DUSP15: variants seen among roughly 807,000 people sequenced by gnomAD.
DUSP15 encodes the protein dual specificity protein phosphatase 15.
Under a neutral mutation model 26.3 loss-of-function variants are expected in DUSP15, and 23 were observed. That is an observed-to-expected ratio of 0.87 (90% CI 0.63 to 1.24). The LOEUF (loss-of-function observed/expected upper bound fraction) is 1.24, where lower values mean the gene tolerates loss of function less well. Among genes scored for constraint, DUSP15 ranks in the 50% most tolerant of loss-of-function variants. DUSP15 has a pLI of 0.00. For missense variants in DUSP15, 364 were observed against 320.6 expected (o/e 1.14, Z -1.03); for synonymous variants, 143 against 135.5 (o/e 1.06, Z -0.39).
At chr20:31,858,575 A>G (rs918488463), downstream of DUSP15, among the ~76,000 whole-genome samples, 1 of 152,206 alleles carries the variant, frequency 6.6e-6, no homozygotes, top group Non-Finnish European at 1.5e-5. The surrounding 1 kb of genome is among the most constrained non-coding windows in gnomAD (Gnocchi z 4.4). Context: ...ATGGGGTGGC[A>G]GGAGGCGCTG....
chr20:31,855,905 A>G (rs1006476386), intron 6 of DUSP15, among the ~76,000 whole-genome samples: 4 of 152,210 alleles, frequency 2.6e-5, no homozygotes, highest in Non-Finnish European at 5.9e-5. Flanking sequence ...GCATTAAATA[A>G]ATGAATGCAT....
chr20:31,853,716 C>A (rs1017820925), intron 6 of DUSP15, among the ~76,000 whole-genome samples: 3 of 151,610 alleles, frequency 2.0e-5, no homozygotes, highest in African/African-American at 4.8e-5. Flanking sequence ...ATCCTCCCAC[C>A]TCATCCAAGT....
Position 31,862,833 on chromosome 20 carries a change from TTGCCTCCTGA to T in DUSP15, c.264-101_264-92del. 3 of 1,339,302 alleles carry T rather than the reference TTGCCTCCTGA, an allele frequency of 2.2e-6. No homozygotes were observed. The African/African-American group carries it at 4.4e-5, about 20-fold the overall frequency. 83.0% of individuals were successfully genotyped at this position (1,339,302 alleles called of 1,614,324 possible). On this transcript the variant is annotated intron_variant, in intron 5 of 6. Transcript: ENST00000339738. ...CCACCCTGCTTCAACTCCCCCACCC[TTGCCTCCTGA>T]GCTCCAACCATAAGGGACCTGTCAG...
chr20:31,855,226 C>G (rs879676139), intron 6 of DUSP15, among the ~76,000 whole-genome samples: 3 of 152,092 alleles, frequency 2.0e-5, no homozygotes, highest in Non-Finnish European at 2.9e-5. Flanking sequence ...AATAAGAAGG[C>G]AGAGAATTGC....
chr20:31,861,654 G>A lies in DUSP15; in HGVS notation c.457C>T (p.Arg153Cys), dbSNP rs1269495421. The A allele has an allele frequency of 1.4e-6, 2 of 1,389,030 alleles. No individual in the cohort carries two copies. Among genetic ancestry groups the A allele is most frequent in the Non-Finnish European group, 1.9e-6 (2 of 1,069,180 alleles). 86.0% of individuals were successfully genotyped at this position (1,389,030 alleles called of 1,614,324 possible). A position where few individuals can be genotyped will look rare whatever the true frequency, so the allele number is the denominator to read the frequency against. ...TCGCGGAAGGGGCTCTCGCCGAAGC[G>A]CTCCTCCAGCTGCCGGCGAAGCTGG... The part of the protein sequence containing the change: ...SQKLRRQLEE[R>C]FGESPFRDEE... Residue 153 changes from arginine to cysteine, a missense_variant, in exon 7 of 7, where the codon CGC becomes TGC. Physicochemically the swap from Arg to Cys is radical, Grantham distance 180. Transcript: ENST00000339738.
At chr20:31,848,640 C>T (rs1249317489) in intron 9 of DUSP15, 6 of 1,476,928 alleles carry the variant, frequency 4.1e-6, no homozygotes, top group Non-Finnish European at 5.4e-6. Flanking sequence ...AAGTCACAGC[C>T]CTAGTTACAG....
chr20:31,860,735 G>A (rs1027453216), downstream of DUSP15, among the ~76,000 whole-genome samples: 9 of 152,242 alleles, frequency 5.9e-5, no homozygotes, highest in African/African-American at 2.2e-4. Context: ...TGTGCACAGG[G>A]AAGGGAAGGG....
chr20:31,862,932 T>A (rs1348994589), intron 5 of DUSP15, among the ~76,000 whole-genome samples, 190 bp from the exon 6 acceptor site: 3 of 152,306 alleles, frequency 2.0e-5, no homozygotes, highest in Middle Eastern at 3.4e-3. Flanking sequence ...ATCCCCTGGG[T>A]TCTCCCACAT....
chr20:31,867,631 G>GTTTTTTTTTTTTTTTTTTTTTTGT (rs2062797900), intron 2 of DUSP15, among the ~76,000 whole-genome samples: 1 of 77,652 alleles, frequency 1.3e-5, no homozygotes, highest in African/African-American at 5.5e-5. Context: ...TGCCCACAAT[G>GTTTTTTTTTTTTTTTTTTTTTTGT]TTTTTTTTTT....
At chr20:31,848,498 C>T (rs570315107) in exon 10 of DUSP15, 61 of 1,610,676 alleles carry the variant, frequency 3.8e-5, no homozygotes, top group South Asian at 2.0e-4. Flanking sequence ...GGTTGAGGAC[C>T]CATCTGGGCG....
chr20:31,859,414 G>A (rs550512112), downstream of DUSP15, among the ~76,000 whole-genome samples: 1 of 152,274 alleles, frequency 6.6e-6, no homozygotes, highest in South Asian at 2.1e-4. Flanking sequence ...CTGAGGCTCT[G>A]AGAGAGAATG....
chr20:31,853,442 A>G (rs1225525599), intron 6 of DUSP15, among the ~76,000 whole-genome samples: 3 of 152,132 alleles, frequency 2.0e-5, no homozygotes, highest in Admixed American at 2.0e-4. Flanking sequence ...TTAATGGACA[A>G]TAATGTAGGA....
intron 9 of DUSP15, chr20:31,848,785 G>A (rs576399195): frequency 1.2e-6 from 2 of 1,600,894 alleles, no homozygotes; most frequent in South Asian, 2.2e-5. Flanking sequence ...CTTCTTGGCT[G>A]GAGTGGAAGG....
chr20:31,865,018 ACACT>A lies in DUSP15; in HGVS notation c.139-20_139-17del. The A allele has an allele frequency of 6.2e-7, 1 of 1,614,100 alleles. No individual in the cohort carries two copies. The highest frequency in any genetic ancestry group is 1.1e-5 in the South Asian group (1 of 91,056). ...AGGTGATATCCTGCAAGTACAAAAT[ACACT>A]CAGGCAGGGGACCTTGCCTGCAACC... is the stretch of plus-strand genomic sequence containing the variant. On this transcript the variant is annotated splice_polypyrimidine_tract_variant and intron_variant, in intron 3 of 6. Transcript: ENST00000339738.
At chr20:31,848,883 A>G in exon 9 of DUSP15, 1 of 1,611,978 alleles carries the variant, frequency 6.2e-7, no homozygotes, top group Non-Finnish European at 8.5e-7. Flanking sequence ...CAGATCTGGT[A>G]CTTTGGGTCC....
intron 6 of DUSP15, among the ~76,000 whole-genome samples, chr20:31,853,058 C>T (rs527744421): frequency 6.6e-6 from 1 of 152,218 alleles, no homozygotes; most frequent in African/African-American, 2.4e-5. Flanking sequence ...TGAGAATCTG[C>T]CCTGCCCCTT....
intron 5 of DUSP15, 85 bp from the exon 6 acceptor site, chr20:31,862,827 C>T: frequency 7.3e-7 from 1 of 1,372,762 alleles, no homozygotes; most frequent in South Asian, 1.4e-5. Context: ...TTCAACTCCC[C>T]CACCCTTGCC....
At chr20:31,865,397 T>G (rs779237997) in intron 3 of DUSP15, among the ~76,000 whole-genome samples, 3 of 152,182 alleles carry the variant, frequency 2.0e-5, no homozygotes, top group Non-Finnish European at 4.4e-5. Context: ...ACAAAAATCA[T>G]GAAAACAAGT....
At chr20:31,853,701 G>C (rs562390520) in intron 6 of DUSP15, among the ~76,000 whole-genome samples, 5 of 151,446 alleles carry the variant, frequency 3.3e-5, no homozygotes, top group South Asian at 2.1e-4. Flanking sequence ...TCCTGGGTTC[G>C]AGTGATCCTC....
Sources: gnomAD v4.1 joint callset for allele counts (sites outside exome capture counted in the v4.1 genomes callset) on GRCh38, gnomAD v4.1.1 for gene constraint, Gnocchi (gnomAD v3.1) non-coding constraint, MANE v1.5 for transcripts, NCBI Gene and HGNC (gene_info 2026-07-23, HGNC 2026-07-21) for gene names.